The following ZNF260 variants were observed in gnomAD, a reference collection of about 807,000 sequenced individuals.
The protein encoded by ZNF260 is zinc finger protein 260.
A neutral mutation model predicts 29.3 loss-of-function variants in ZNF260; 21 were observed. That is an observed-to-expected ratio of 0.72 (90% CI 0.51 to 1.03). The LOEUF (loss-of-function observed/expected upper bound fraction) is 1.03, where lower values mean the gene tolerates loss of function less well. ZNF260 is among the 50% of genes least tolerant of loss of function. The probability of loss-of-function intolerance (pLI) is 0.00; values close to 1 mark genes in which losing one functional copy is unlikely to be tolerated. For synonymous variants in ZNF260, 156 were observed against 156.8 expected (o/e 0.99, Z 0.04); for missense variants, 465 against 487.8 (o/e 0.95, Z 0.44).
Position 36,515,033 on chromosome 19 carries a change from G to C in ZNF260, c.206C>G (p.Ser69Cys), listed in dbSNP as rs2034525675. 6.2e-7 allele frequency: 1 copy of C among 1,614,102 alleles called. No individual in the cohort carries two copies. The highest frequency in any genetic ancestry group is 1.7e-4 in the Middle Eastern group (1 of 6,060). The change falls in exon 3 of 3, where the codon TCT becomes TGT. Residue 69 changes from serine (S) to cysteine (C), a missense_variant. Physicochemically the swap from Ser to Cys is moderately radical, Grantham distance 112 (BLOSUM62 -1). Transcript: ENST00000523638. ...GTGACTTCTAAGGTGTAGAGTAAGAGATGAGACTCGAGAGCACACTTTACC... is the reference window on the plus strand; with the variant it reads ...GTGACTTCTAAGGTGTAGAGTAAGACATGAGACTCGAGAGCACACTTTACC... Reference protein sequence around the residue: ...ECGKVCSRVSSLTLHLRSHTG... With the variant: ...ECGKVCSRVSCLTLHLRSHTG...
rs1183890086 is a variant in ZNF260, at chr19:36,515,640, C to G, written c.-402G>C. 5.9e-6 allele frequency: 1 copy of G among 169,168 alleles called. No homozygotes were observed. Among genetic ancestry groups the G allele is most frequent in the African/African-American group, 2.4e-5 (1 of 41,510 alleles). 10.5% of individuals were successfully genotyped at this position (169,168 alleles called of 1,614,324 possible). ...TGTCTTTTCACAGAGAAAGATGAGA[C>G]TTAACTTACAAGTCTTTCATGTTGC... is the stretch of plus-strand genomic sequence containing the variant. On this transcript the variant is annotated 5_prime_UTR_variant, in exon 3 of 3. Coordinates refer to ENST00000523638, the MANE Select transcript of ZNF260 (RefSeq NM_001166037.2).
intron 2 of ZNF260, 132 bp from the exon 3 acceptor site, chr19:36,515,831 CCATT>C (rs777871931): frequency 6.6e-6 from 1 of 151,992 alleles, no homozygotes; most frequent in Admixed American, 6.6e-5. Flanking sequence ...TTGAAGTTTC[CCATT>C]ATTAATATAA....
At chr19:36,526,594 C>T (rs1424296158) in intron 1 of ZNF260, among the ~76,000 whole-genome samples, 1 of 151,980 alleles carries the variant, frequency 6.6e-6, no homozygotes, top group Non-Finnish European at 1.5e-5. Flanking sequence ...CTATGCACAT[C>T]CTCCCATATA....
rs565255478 is a variant in ZNF260, at chr19:36,528,126, C to T, written c.-681+93G>A. The T allele has an allele frequency of 4.6e-5, 7 of 152,314 alleles. No homozygotes were observed. The East Asian group carries it at 9.7e-4, about 21-fold the overall frequency. 9.4% of individuals were successfully genotyped at this position (152,314 alleles called of 1,614,324 possible). On this transcript the variant is annotated intron_variant, in intron 1 of 2. Transcript: ENST00000523638. ...ATTCCTCCCCTCCATACTCCCAGCC[C>T]CGTCGCAGGCACTGCAAATCCTCCC...
At chr19:36,516,102 C>T (rs959601121) in intron 2 of ZNF260, among the ~76,000 whole-genome samples, 4 of 152,082 alleles carry the variant, frequency 2.6e-5, no homozygotes, top group African/African-American at 9.7e-5. Context: ...AAACTCCCGA[C>T]TTTGGGTGAT....
At chr19:36,523,655 G>A (rs2034681751) in intron 2 of ZNF260, among the ~76,000 whole-genome samples, 1 of 146,406 alleles carries the variant, frequency 6.8e-6, no homozygotes, top group South Asian at 2.1e-4. Flanking sequence ...TCGGCTCACT[G>A]CAACCTCCGC....
intron 2 of ZNF260, among the ~76,000 whole-genome samples, chr19:36,522,814 GCA>G (rs2034668798): frequency 2.0e-5 from 3 of 152,214 alleles, no homozygotes; most frequent in Non-Finnish European, 4.4e-5. Flanking sequence ...ACCAAAGTTA[GCA>G]TGCAAATCTG....
intron 1 of ZNF260, among the ~76,000 whole-genome samples, chr19:36,526,865 C>A (rs1427374712): frequency 6.6e-6 from 1 of 152,140 alleles, no homozygotes; most frequent in Non-Finnish European, 1.5e-5. Flanking sequence ...TGCTGAGAAA[C>A]CTTGGTTTAC....
rs2034459773 is a variant in ZNF260 at position 36,512,005 on chromosome 19, T to A, written c.*1995A>T. 1 of 152,202 alleles carries A rather than the reference T, an allele frequency of 6.6e-6. No homozygotes were observed. The highest frequency in any genetic ancestry group is 2.4e-5 in the African/African-American group (1 of 41,462). The allele number at this position is 152,202 out of a possible 1,614,324, so 9.4% of individuals were successfully genotyped here. ...TTATGCAGAGTATTAAAATTTCTGA[T>A]AAATGTTTTAGTAAAAACTAATTCT... is the stretch of plus-strand genomic sequence containing the variant. On this transcript the variant is annotated 3_prime_UTR_variant, in exon 3 of 3. Transcript: ENST00000523638.
chr19:36,515,009 T>C lies in ZNF260; in HGVS notation c.230A>G (p.His77Arg). 1 of 1,614,166 alleles carries C rather than the reference T, an allele frequency of 6.2e-7. No individual in the cohort carries two copies. The highest frequency in any genetic ancestry group is 8.5e-7 in the Non-Finnish European group (1 of 1,180,018). ...ACATTTATATGCCTTCTTTCCTGTG[T>C]GACTTCTAAGGTGTAGAGTAAGAGA... Reference protein sequence around the residue: ...VSSLTLHLRSHTGKKAYKCNK... With the variant: ...VSSLTLHLRSRTGKKAYKCNK... The change falls in exon 3 of 3, where the codon CAC (histidine) becomes CGC (arginine). Residue 77 changes from histidine (H) to arginine (R), a missense_variant. Transcript: ENST00000523638.
At chr19:36,520,720 C>T (rs993009217) in intron 2 of ZNF260, among the ~76,000 whole-genome samples, 12 of 151,792 alleles carry the variant, frequency 7.9e-5, no homozygotes, top group African/African-American at 2.9e-4. Context: ...ATTAGCTAGG[C>T]GTGGTGGCGG....
At chr19:36,522,134 T>C (rs1370884697) in intron 2 of ZNF260, among the ~76,000 whole-genome samples, 1 of 151,736 alleles carries the variant, frequency 6.6e-6, no homozygotes, top group Admixed American at 6.6e-5. Context: ...CTCTTAATTG[T>C]ATTATGTGTA....
chr19:36,519,910 GAAA>G (rs940212184), intron 2 of ZNF260, among the ~76,000 whole-genome samples: 1 of 151,928 alleles, frequency 6.6e-6, no homozygotes, highest in African/African-American at 2.4e-5. Flanking sequence ...GTAAATATAA[GAAA>G]AACAGACCGG....
rs993772597 is a variant in ZNF260, at chr19:36,511,344, C to T, written c.*2656G>A. Reference sequence around the variant, plus strand: ...GTTCAAGACCAGCCTTTGGAGAAACCCCATCTCTACTAAAAATACAAAATT... The same window carrying T: ...GTTCAAGACCAGCCTTTGGAGAAACTCCATCTCTACTAAAAATACAAAATT... On this transcript the variant is annotated 3_prime_UTR_variant, in exon 3 of 3. Coordinates refer to ENST00000523638, the MANE Select transcript of ZNF260 (RefSeq NM_001166037.2). 3 of 151,700 alleles carry T rather than the reference C, an allele frequency of 2.0e-5. No homozygotes were observed. Among genetic ancestry groups the T allele is most frequent in the Non-Finnish European group, 2.9e-5 (2 of 67,986 alleles). 9.4% of individuals were successfully genotyped at this position (151,700 alleles called of 1,614,324 possible).
Position 36,514,785 on chromosome 19 carries a change from T to C in ZNF260, c.454A>G (p.Thr152Ala), listed in dbSNP as rs758283766. 1.2e-6 allele frequency: 2 copies of C among 1,613,340 alleles called. No homozygotes were observed. Among genetic ancestry groups the C allele is most frequent in the Non-Finnish European group, 1.7e-6 (2 of 1,179,524 alleles). ...CCAGTATGAATTTTCTCATGCTCAGTGAGATATGCTTTGCCGTTAAAGGCT... is the reference window on the plus strand; with the variant it reads ...CCAGTATGAATTTTCTCATGCTCAGCGAGATATGCTTTGCCGTTAAAGGCT... ...GKAFNGKAYL[T>A]EHEKIHTGEK... is the part of the protein sequence containing the mutation. Residue 152 changes from threonine to alanine, a missense_variant, in exon 3 of 3, where the codon ACT becomes GCT. By Grantham distance (58) the Thr-to-Ala change is moderately conservative. Coordinates refer to ENST00000523638, the MANE Select transcript of ZNF260 (RefSeq NM_001166037.2).
intron 2 of ZNF260, 45 bp from the exon 3 acceptor site, chr19:36,515,744 A>T (rs111400340): frequency 0.013 from 2,030 of 153,564 alleles, 51 homozygotes; most frequent in African/African-American, 0.046. Flanking sequence ...AGTTAATATA[A>T]TATATAGTGC....
Position 36,514,027 on chromosome 19 carries a change from A to G in ZNF260, c.1212T>C (p.Ile404=). ...AATGAGTATGAATTCTCTGGTGTCT[A>G]ATGTGATGTGACTTTTGGCTGAAAG... ...GKAFSQKSHH[I]RHQRIHTH The change falls in exon 3 of 3, where the codon ATT becomes ATC. Residue 404 remains isoleucine, a synonymous_variant. Transcript: ENST00000523638. 1 of 1,613,950 alleles carries G rather than the reference A, an allele frequency of 6.2e-7. No individual in the cohort carries two copies. Among genetic ancestry groups the G allele is most frequent in the East Asian group, 2.2e-5 (1 of 44,872 alleles).
chr19:36,514,246 A>C lies in ZNF260; in HGVS notation c.993T>G (p.Pro331=), dbSNP rs2034501339. 1 of 1,614,014 alleles carries C rather than the reference A, an allele frequency of 6.2e-7. No homozygotes were observed. Among genetic ancestry groups the C allele is most frequent in the South Asian group, 1.1e-5 (1 of 91,082 alleles). The change falls in exon 3 of 3, where the codon CCT becomes CCG. Residue 331 remains proline, a synonymous_variant. Transcript: ENST00000523638. ...CTTTCCCACAGACCTTACACTCATA[A>C]GGCTTATCACCTGTATGAATTCTCA... ...VHVRIHTGDK[P]YECKVCGKAF... is the part of the protein sequence containing the mutation.
chr19:36,514,077 A>G lies in ZNF260; in HGVS notation c.1162T>C (p.Tyr388His), dbSNP rs1156550417. The change falls in exon 3 of 3, where the codon TAT becomes CAT. Residue 388 changes from tyrosine to histidine, a missense_variant. Tyr to His is a moderately conservative substitution (Grantham distance 83). Transcript: ENST00000523638. ...GCTTTCCCACATTCACTACACTGAT[A>G]AGGTTTTTCACCAGTATGGATTCTC... ...HMRIHTGEKPYQCSECGKAFS... is the reference protein window; with the variant it reads ...HMRIHTGEKPHQCSECGKAFS... 6.2e-7 allele frequency: 1 copy of G among 1,613,972 alleles called. No homozygotes were observed. The highest frequency in any genetic ancestry group is 1.3e-5 in the African/African-American group (1 of 74,908).
Sources: allele counts gnomAD v4.1 joint callset (sites outside exome capture counted in the v4.1 genomes callset), GRCh38; gene constraint gnomAD v4.1.1; transcripts MANE v1.5; gene names NCBI Gene and HGNC (gene_info 2026-07-23, HGNC 2026-07-21).